The following GIMAP8 variants were observed in gnomAD, a reference collection of about 807,000 sequenced individuals.
GIMAP8 encodes GTPase IMAP family member 8.
GIMAP8 carries 29 observed loss-of-function variants against 35.6 expected under a neutral mutation model. The observed-to-expected ratio is 0.81, with a 90% CI of 0.61 to 1.11. GIMAP8 has a LOEUF of 1.11. GIMAP8 is among the 50% of genes most tolerant of loss of function. GIMAP8 has a pLI of 0.00. For missense variants in GIMAP8, 811 were observed against 805.0 expected (o/e 1.01, Z -0.09); for synonymous variants, 335 against 308.7 (o/e 1.09, Z -0.89).
chr7:150,477,129 T>C lies in GIMAP8; in HGVS notation c.1347T>C (p.Thr449=). The C allele has an allele frequency of 6.2e-7, 1 of 1,611,612 alleles. No homozygotes were observed. Among genetic ancestry groups the C allele is most frequent in the Non-Finnish European group, 8.5e-7 (1 of 1,177,896 alleles). Residue 449 remains threonine (T), a synonymous_variant, in exon 5 of 5, where the codon ACT becomes ACC. Transcript: ENST00000307271. ...TTGTCCTTGTGGGGAGAAGCGGGAC[T>C]GGGAAGAGTGCGACCGGGAACTCTA... ...LNIVLVGRSG[T]GKSATGNSIL... is the part of the protein sequence containing the mutation.
intron 3 of GIMAP8, 112 bp downstream of exon 3, chr7:150,470,986 G>A: frequency 1.2e-6 from 1 of 806,706 alleles, no homozygotes; most frequent in South Asian, 1.5e-5. Flanking sequence ...TTCACCCTGG[G>A]GACCTAGCTG....
rs926978746 is a variant in GIMAP8 at position 150,477,961 on chromosome 7, G to A, written c.*181G>A. 5.1e-5 allele frequency: 30 copies of A among 588,964 alleles called. No individual in the cohort carries two copies. Among genetic ancestry groups the A allele is most frequent in the Admixed American group, 1.8e-4 (6 of 33,134 alleles). The allele number at this position is 588,964 out of a possible 1,614,324, so 36.5% of individuals were successfully genotyped here. A position where few individuals can be genotyped will look rare whatever the true frequency, so the allele number is the denominator to read the frequency against. On this transcript the variant is annotated 3_prime_UTR_variant, in exon 5 of 5. Coordinates refer to ENST00000307271, the MANE Select transcript of GIMAP8 (RefSeq NM_175571.4). ...AGATAAATAAATTGCAGGTGGGGGC[G>A]AATAGTAGGGTATTATAAAGGAGAA...
chr7:150,477,225 G>A lies in GIMAP8; in HGVS notation c.1443G>A (p.Arg481=), dbSNP rs1482571379. The change falls in exon 5 of 5, where the codon AGG becomes AGA. Residue 481 remains arginine, a synonymous_variant. Coordinates refer to ENST00000307271, the MANE Select transcript of GIMAP8 (RefSeq NM_175571.4). ...QPVTKTSQSG[R]RTWDGQEVVV... Reference sequence around the variant, plus strand: ...TCACCAAGACCAGCCAGAGTGGCAGGAGGACATGGGACGGACAGGAGGTGG... The same window carrying A: ...TCACCAAGACCAGCCAGAGTGGCAGAAGGACATGGGACGGACAGGAGGTGG... 2.5e-6 allele frequency: 4 copies of A among 1,614,142 alleles called. No homozygotes were observed. The highest frequency in any genetic ancestry group is 2.7e-5 in the African/African-American group (2 of 75,022).
intron 3 of GIMAP8, 109 bp from the exon 4 acceptor site, chr7:150,473,903 G>A (rs1417430117): frequency 1.1e-5 from 12 of 1,138,030 alleles, no homozygotes; most frequent in African/African-American, 1.6e-5. Context: ...GGTTTACCGT[G>A]TTGTTGCCAT....
At chr7:150,453,501 A>G (rs528294552) in intron 1 of GIMAP8, among the ~76,000 whole-genome samples, 70 of 152,336 alleles carry the variant, frequency 4.6e-4, no homozygotes, top group African/African-American at 1.7e-3. Context: ...CTCTCCCCTG[A>G]GTGCCACAGA....
At position 150,472,429 on chromosome 7, in the gene GIMAP8, T is replaced by C. The variant is rs1802112728; in HGVS notation, c.682+1555T>C. ...GGGCAATGCTGTTGTTTTTGTGTGC[T>C]CAGATACGATTGCAGAGTGGTTGTG... On this transcript the variant is annotated intron_variant, in intron 3 of 4. Transcript: ENST00000307271. The surrounding 1 kb of genome is among the most constrained non-coding windows in gnomAD (Gnocchi z 4.1). Among the ~76,000 whole-genome samples the C allele has an allele frequency of 2.6e-5, 4 of 152,204 alleles. No individual in the cohort carries two copies. Among genetic ancestry groups the C allele is most frequent in the Admixed American group, 2.6e-4 (4 of 15,282 alleles).
chr7:150,473,689 G>A (rs752340537), intron 3 of GIMAP8, among the ~76,000 whole-genome samples: 9 of 151,424 alleles, frequency 5.9e-5, no homozygotes, highest in African/African-American at 1.9e-4. Context: ...CCTTTGGTAC[G>A]TACTTACCTT....
At chr7:150,461,562 C>T (rs940644438) in intron 1 of GIMAP8, among the ~76,000 whole-genome samples, 2 of 151,756 alleles carry the variant, frequency 1.3e-5, no homozygotes, top group African/African-American at 2.4e-5. Context: ...TGTTTGTGTG[C>T]GATATGTTTT....
intron 1 of GIMAP8, among the ~76,000 whole-genome samples, chr7:150,458,847 G>C (rs944169424): frequency 2.6e-5 from 4 of 152,184 alleles, no homozygotes; most frequent in Non-Finnish European, 1.5e-5. Context: ...ATGTTAGAGG[G>C]ATAAGAGAGG....
In GIMAP8 at chr7:150,477,450, T is replaced by G. The variant is rs138896947; in HGVS notation, c.1668T>G (p.Phe556Leu). The G allele has an allele frequency of 5.7e-5, 92 of 1,613,756 alleles. 1 individual carries two copies. The Middle Eastern group carries it at 6.6e-4, about 12-fold the overall frequency. ...TGGAGGCCATCTTTGGAGCAGACTT[T>G]ACGAAATACGCGATTATGCTGTTCA... ...AKLEAIFGAD[F>L]TKYAIMLFTR... The change falls in exon 5 of 5, where the codon TTT becomes TTG. Residue 556 changes from phenylalanine (F) to leucine (L), a missense_variant. Physicochemically the swap from Phe to Leu is conservative, Grantham distance 22. Transcript: ENST00000307271.
Position 150,474,532 on chromosome 7 carries a change from C to T in GIMAP8, c.1203C>T (p.Tyr401=), listed in dbSNP as rs368042510. 40 of 1,577,716 alleles carry T rather than the reference C, an allele frequency of 2.5e-5. No homozygotes were observed. The highest frequency in any genetic ancestry group is 6.7e-5 in the African/African-American group (5 of 74,538). Reference sequence around the variant, plus strand: ...AAAACAGATATAGTGCCTTCAACTACCGGGCAACAGGAGAAGAAGAGCAAA... The same window carrying T: ...AAAACAGATATAGTGCCTTCAACTATCGGGCAACAGGAGAAGAAGAGCAAA... ...KCKNRYSAFN[Y]RATGEEEQRQ... The change falls in exon 4 of 5, where the codon TAC becomes TAT. Residue 401 remains tyrosine (Y), a synonymous_variant. Coordinates refer to ENST00000307271, the MANE Select transcript of GIMAP8 (RefSeq NM_175571.4).
intron 1 of GIMAP8, among the ~76,000 whole-genome samples, chr7:150,462,972 T>C (rs1242712233): frequency 6.6e-6 from 1 of 152,174 alleles, no homozygotes; most frequent in Non-Finnish European, 1.5e-5. Context: ...ACTCTCAAAA[T>C]TCAAGTATTT....
At chr7:150,457,026 G>A (rs1302436003) in intron 1 of GIMAP8, among the ~76,000 whole-genome samples, 1 of 152,250 alleles carries the variant, frequency 6.6e-6, no homozygotes, top group Non-Finnish European at 1.5e-5. Flanking sequence ...CAGAAACAGA[G>A]TGCAGAGTGG....
At chr7:150,452,119 C>G (rs148020179) in intron 1 of GIMAP8, among the ~76,000 whole-genome samples, 155 of 152,340 alleles carry the variant, frequency 1.0e-3, no homozygotes, top group African/African-American at 3.7e-3. Flanking sequence ...GAAGAACGCT[C>G]TCTTTTTCTC....
chr7:150,476,681 G>T (rs957626509), intron 4 of GIMAP8, among the ~76,000 whole-genome samples: 33 of 152,348 alleles, frequency 2.2e-4, no homozygotes, highest in African/African-American at 7.7e-4. Flanking sequence ...AGAAGATGTA[G>T]TTGTAACAGG....
intron 1 of GIMAP8, among the ~76,000 whole-genome samples, chr7:150,454,763 G>T (rs1341447274): frequency 6.6e-6 from 1 of 152,190 alleles, no homozygotes; most frequent in African/African-American, 2.4e-5. Flanking sequence ...AAAGGTAGTA[G>T]ATGTCTCAAT....
intron 2 of GIMAP8, among the ~76,000 whole-genome samples, chr7:150,468,154 C>T (rs368127808): frequency 7.9e-5 from 12 of 152,162 alleles, no homozygotes; most frequent in African/African-American, 2.9e-4. Context: ...CCATCCCACT[C>T]CCACCACCTG....
Position 150,477,769 on chromosome 7 carries a change from A to G in GIMAP8, c.1987A>G (p.Ile663Val), listed in dbSNP as rs1348240664. 3 of 1,611,946 alleles carry G rather than the reference A, an allele frequency of 1.9e-6. No individual in the cohort carries two copies. In the African/African-American group the frequency reaches 4.0e-5, roughly 22 times the overall value. Residue 663 changes from isoleucine (I) to valine (V), a missense_variant, in exon 5 of 5, where the codon ATT becomes GTT. Physicochemically the swap from Ile to Val is conservative, Grantham distance 29. Coordinates refer to ENST00000307271, the MANE Select transcript of GIMAP8 (RefSeq NM_175571.4). ...AAAACTCCTTAAAAATTTAATAGGTATTTTACAATAGGTAGCCGAAGTGCC... is the reference window on the plus strand; with the variant it reads ...AAAACTCCTTAAAAATTTAATAGGTGTTTTACAATAGGTAGCCGAAGTGCC... ...AEKLLKNLIG[I>V]LQ
intron 1 of GIMAP8, among the ~76,000 whole-genome samples, chr7:150,456,434 G>A (rs147111738): frequency 7.0e-4 from 106 of 152,146 alleles, no homozygotes; most frequent in African/African-American, 2.4e-3. Flanking sequence ...CTAGCAATGT[G>A]GCATCTTCAA....
Sources: allele counts gnomAD v4.1 joint callset (sites outside exome capture counted in the v4.1 genomes callset), GRCh38; gene constraint gnomAD v4.1.1; non-coding constraint Gnocchi (gnomAD v3.1); transcripts MANE v1.5; gene names NCBI Gene and HGNC (gene_info 2026-07-23, HGNC 2026-07-21).